The following PTK2B variants were observed in gnomAD, a reference collection of about 807,000 sequenced individuals.
The protein encoded by PTK2B is protein-tyrosine kinase 2-beta.
In PTK2B, 71 loss-of-function variants were observed where a neutral mutation model predicts 142.9. The observed-to-expected ratio is 0.50, with a 90% CI of 0.41 to 0.61. The LOEUF is 0.61. Ranked by LOEUF, PTK2B falls within the 20% of genes least tolerant of loss-of-function variation. The pLI is 0.00. For synonymous variants in PTK2B, 519 were observed against 503.4 expected (o/e 1.03, Z -0.42); for missense variants, 1,105 against 1,320.4 (o/e 0.84, Z 2.53).
rs1452316201 is a variant in PTK2B at position 27,363,849 on chromosome 8, T to C, written c.-37-33699T>C. Among the ~76,000 whole-genome samples the C allele has an allele frequency of 6.6e-6, 1 of 152,156 alleles. No individual in the cohort carries two copies. The highest frequency in any genetic ancestry group is 2.4e-5 in the African/African-American group (1 of 41,438). On this transcript the variant is annotated intron_variant, in intron 1 of 30. Coordinates refer to ENST00000346049, the MANE Select transcript of PTK2B (RefSeq NM_173176.3). This position sits in a 1 kb window ranked among gnomAD's most constrained non-coding sequence, Gnocchi z 4.3. ...GTGGCTTCACCCACCCCCAGTCCTG[T>C]GGGCCACGATTACTCTCCCACGTGC...
intron 2 of PTK2B, among the ~76,000 whole-genome samples, chr8:27,408,787 A>G (rs1808880350): frequency 6.6e-6 from 1 of 152,262 alleles, no homozygotes; most frequent in Admixed American, 6.5e-5. Context: ...GCATTGTTTT[A>G]GCTCTAACTG....
intron 1 of PTK2B, among the ~76,000 whole-genome samples, chr8:27,368,797 C>T (rs1281213837): frequency 6.6e-6 from 1 of 152,188 alleles, no homozygotes. Context: ...CTTGCTGGGG[C>T]CTGGAGTGAC....
intron 1 of PTK2B, among the ~76,000 whole-genome samples, chr8:27,358,493 T>C (rs546363750): frequency 6.6e-6 from 1 of 152,206 alleles, no homozygotes; most frequent in Admixed American, 6.5e-5. Context: ...ATATCAACTT[T>C]CACTTAGTAA....
intron 29 of PTK2B, 74 bp from the exon 30 acceptor site, chr8:27,454,457 A>T (rs1346325698): frequency 3.9e-5 from 62 of 1,569,920 alleles, no homozygotes; most frequent in Non-Finnish European, 5.4e-5. Flanking sequence ...ACCCCAGGAG[A>T]GCTCTTCCCA....
chr8:27,405,273 C>G (rs1808644035), intron 2 of PTK2B, among the ~76,000 whole-genome samples: 1 of 152,110 alleles, frequency 6.6e-6, no homozygotes, highest in Admixed American at 6.5e-5. Context: ...TTCCCTGTGC[C>G]TGGAAGAGCA....
intron 2 of PTK2B, among the ~76,000 whole-genome samples, chr8:27,400,492 G>C (rs1808311780): frequency 6.6e-6 from 1 of 151,558 alleles, no homozygotes; most frequent in Non-Finnish European, 1.5e-5. Context: ...GGGTTAGGAG[G>C]CTGTGGTCAT....
intron 1 of PTK2B, among the ~76,000 whole-genome samples, chr8:27,335,132 G>A (rs189377693): frequency 1.3e-5 from 2 of 152,334 alleles, no homozygotes; most frequent in African/African-American, 4.8e-5. Flanking sequence ...ACTTGACTTT[G>A]ACCTCCAGTG....
rs186064098 is a variant in PTK2B, at chr8:27,391,165, C to T, written c.-37-6383C>T. ...GTGCAATCTCGGCTCGGTGCAATCTCGGCTCACTGCAAGCTCCGTCTCCCG... is the reference window on the plus strand; with the variant it reads ...GTGCAATCTCGGCTCGGTGCAATCTTGGCTCACTGCAAGCTCCGTCTCCCG... On this transcript the variant is annotated intron_variant, in intron 1 of 30. Coordinates refer to ENST00000346049, the MANE Select transcript of PTK2B (RefSeq NM_173176.3). Among the ~76,000 whole-genome samples, 157 of 151,756 alleles carry T rather than the reference C, an allele frequency of 1.0e-3. 3 individuals carry two copies. Among genetic ancestry groups the T allele is most frequent in the Middle Eastern group, 3.4e-3 (1 of 294 alleles).
chr8:27,337,851 CAT>C (rs201696863), intron 1 of PTK2B, among the ~76,000 whole-genome samples: 2,525 of 152,150 alleles, frequency 0.017, 72 homozygotes, highest in African/African-American at 0.057. Context: ...TTTTTGTGGA[CAT>C]ATGTTTTCAT....
intron 1 of PTK2B, among the ~76,000 whole-genome samples, chr8:27,328,311 T>C (rs1291356664): frequency 6.6e-6 from 1 of 152,194 alleles, no homozygotes; most frequent in East Asian, 1.9e-4. Context: ...GAGTTCCTTA[T>C]TAGAAAAGTA....
chr8:27,395,868 G>A (rs1406334872), intron 1 of PTK2B, among the ~76,000 whole-genome samples: 1 of 152,158 alleles, frequency 6.6e-6, no homozygotes, highest in Admixed American at 6.5e-5. Context: ...CCTTGTTGAA[G>A]GTCAGGGGAT....
At chr8:27,405,930 GTATCAGTTTTC>G (rs1182290106) in intron 2 of PTK2B, among the ~76,000 whole-genome samples, 2 of 152,184 alleles carry the variant, frequency 1.3e-5, no homozygotes, top group Non-Finnish European at 2.9e-5. Context: ...TATAACCAGT[GTATCAGTTTTC>G]TATGGCTGCC....
At chr8:27,353,369 T>C (rs1003584339) in intron 1 of PTK2B, among the ~76,000 whole-genome samples, 1 of 152,146 alleles carries the variant, frequency 6.6e-6, no homozygotes, top group Non-Finnish European at 1.5e-5. Context: ...AAGTGCTGTT[T>C]TTTGCTAGGA....
chr8:27,447,625 A>G (rs1199352796), intron 24 of PTK2B, among the ~76,000 whole-genome samples: 1 of 152,202 alleles, frequency 6.6e-6, no homozygotes, highest in African/African-American at 2.4e-5. Context: ...TTGGGAGGCC[A>G]AGGTGGGTGG....
intron 24 of PTK2B, 36 bp downstream of exon 24, chr8:27,445,955 T>G: frequency 6.2e-7 from 1 of 1,610,210 alleles, no homozygotes; most frequent in Non-Finnish European, 8.5e-7. Context: ...CTGCCCGGAC[T>G]GAGGAGGCTG....
At position 27,454,207 on chromosome 8, in the gene PTK2B, T is replaced by C; in HGVS notation, c.2649T>C (p.Asn883=). ...LDRTDDLVYL[N]VMELVRAVLE... ...GGACTGATGACCTGGTGTACCTCAA[T>C]GTCATGGAGCTGGTGCGGGCCGTGC... Residue 883 remains asparagine (N), a synonymous_variant, in exon 29 of 31, where the codon AAT becomes AAC. Coordinates refer to ENST00000346049, the MANE Select transcript of PTK2B (RefSeq NM_173176.3). 1 of 1,613,980 alleles carries C rather than the reference T, an allele frequency of 6.2e-7. No individual in the cohort carries two copies. Among genetic ancestry groups the C allele is most frequent in the African/African-American group, 1.3e-5 (1 of 75,004 alleles).
chr8:27,384,688 T>C (rs190474366), intron 1 of PTK2B, among the ~76,000 whole-genome samples: 207 of 152,320 alleles, frequency 1.4e-3, no homozygotes, highest in African/African-American at 4.6e-3. Context: ...AAATATTTTA[T>C]AAAGAATCAC....
At chr8:27,389,134 C>T (rs998668165) in intron 1 of PTK2B, among the ~76,000 whole-genome samples, 2 of 152,006 alleles carry the variant, frequency 1.3e-5, no homozygotes, top group Non-Finnish European at 2.9e-5. Flanking sequence ...TGTTTTGTTC[C>T]GTTTTATCTT....
chr8:27,447,731 G>A lies in PTK2B; in HGVS notation c.2340+1812G>A, dbSNP rs534642686. 9.6e-4 allele frequency among the ~76,000 whole-genome samples: 146 copies of A among 152,242 alleles called. 1 individual carries two copies. The highest frequency in any genetic ancestry group is 9.3e-3 in the South Asian group (45 of 4,824). ...AAAAATTAGTCAGGCATGGTAGTGT[G>A]CACCTGTAATCCCAGCTACTCAGGA... is the stretch of plus-strand genomic sequence containing the variant. On this transcript the variant is annotated intron_variant, in intron 24 of 30. Transcript: ENST00000346049.
Sources: allele counts gnomAD v4.1 joint callset (sites outside exome capture counted in the v4.1 genomes callset), GRCh38; gene constraint gnomAD v4.1.1; non-coding constraint Gnocchi (gnomAD v3.1); transcripts MANE v1.5; gene names NCBI Gene and HGNC (gene_info 2026-07-23, HGNC 2026-07-21).